The following PBX3 variants were observed in gnomAD, a reference collection of about 807,000 sequenced individuals.
PBX3 encodes PBX homeobox 3, also known as pre-B-cell leukemia transcription factor 3.
PBX3 carries 14 observed loss-of-function variants against 48.5 expected under a neutral mutation model. That is an observed-to-expected ratio of 0.29 (90% CI 0.19 to 0.45). The LOEUF is 0.45. Among genes scored for constraint, PBX3 ranks in the 20% least tolerant of loss-of-function variants. The pLI is 1.00. For synonymous variants in PBX3, 210 were observed against 200.3 expected (o/e 1.05, Z -0.41); for missense variants, 386 against 546.7 (o/e 0.71, Z 2.93).
intron 2 of PBX3, among the ~76,000 whole-genome samples, chr9:125,830,814 A>G (rs973605452): frequency 6.6e-6 from 1 of 151,662 alleles, no homozygotes; most frequent in South Asian, 2.1e-4. Context: ...CTGCGATTCA[A>G]ACTCTAGCTG....
chr9:125,892,123 A>G (rs373121685), intron 2 of PBX3, among the ~76,000 whole-genome samples: 2 of 151,896 alleles, frequency 1.3e-5, no homozygotes, highest in Admixed American at 1.3e-4. Flanking sequence ...AGGTTTCACT[A>G]TGTTGGTCAG....
At chr9:125,819,350 A>G (rs1043938965) in intron 2 of PBX3, among the ~76,000 whole-genome samples, 7 of 151,806 alleles carry the variant, frequency 4.6e-5, no homozygotes, top group Non-Finnish European at 1.0e-4. Context: ...AACATGGAGA[A>G]ACCCTGACTC....
chr9:125,930,107 C>T (rs934965381), intron 4 of PBX3, among the ~76,000 whole-genome samples: 2 of 152,154 alleles, frequency 1.3e-5, no homozygotes, highest in African/African-American at 4.8e-5. Flanking sequence ...AATATGTAGC[C>T]TTTCCATTCT....
intron 5 of PBX3, among the ~76,000 whole-genome samples, chr9:125,946,224 C>A (rs1184507508): frequency 6.6e-6 from 1 of 152,092 alleles, no homozygotes; most frequent in Non-Finnish European, 1.5e-5. Flanking sequence ...TTCATAGGTG[C>A]TTGGAGAAAT....
At chr9:125,749,120 C>G (rs1836294117) in intron 2 of PBX3, 1 of 157,348 alleles carries the variant, frequency 6.4e-6, no homozygotes, top group Non-Finnish European at 1.4e-5. Flanking sequence ...GGGAAGGCTA[C>G]TTTAGAGAAT....
At chr9:125,950,671 G>A (rs138192953) in intron 5 of PBX3, among the ~76,000 whole-genome samples, 12 of 152,038 alleles carry the variant, frequency 7.9e-5, no homozygotes, top group African/African-American at 2.2e-4. Context: ...TAGTAGAGAC[G>A]GGGTTTCACC....
intron 2 of PBX3, among the ~76,000 whole-genome samples, chr9:125,840,420 G>GT (rs1839257942): frequency 6.6e-6 from 1 of 151,540 alleles, no homozygotes; most frequent in Non-Finnish European, 1.5e-5. Context: ...AAAAGGTGTA[G>GT]TAACATATTT....
intron 2 of PBX3, among the ~76,000 whole-genome samples, chr9:125,818,948 G>T (rs1489275892): frequency 6.6e-6 from 1 of 151,954 alleles, no homozygotes; most frequent in Non-Finnish European, 1.5e-5. Flanking sequence ...GAATTCACCT[G>T]CCTCAACCTC....
At chr9:125,813,202 C>T (rs1371397074) in intron 2 of PBX3, among the ~76,000 whole-genome samples, 1 of 144,978 alleles carries the variant, frequency 6.9e-6, no homozygotes, top group East Asian at 2.2e-4. Context: ...TTTTTCTTTA[C>T]ACCACAGAGC....
intron 2 of PBX3, among the ~76,000 whole-genome samples, chr9:125,796,439 T>C (rs1478913085): frequency 6.6e-6 from 1 of 152,148 alleles, no homozygotes; most frequent in East Asian, 1.9e-4. Flanking sequence ...GGGACAGATA[T>C]GACAAGCCTT....
At chr9:125,924,162 G>A (rs1267546141) in intron 3 of PBX3, among the ~76,000 whole-genome samples, 1 of 152,156 alleles carries the variant, frequency 6.6e-6, no homozygotes, top group African/African-American at 2.4e-5. Context: ...GAGCCACCAT[G>A]GCCAGCCCTA....
At chr9:125,802,390 CAG>C (rs1564662960) in intron 2 of PBX3, among the ~76,000 whole-genome samples, 1 of 78,790 alleles carries the variant, frequency 1.3e-5, no homozygotes. Flanking sequence ...TTTTTAAAGA[CAG>C]GGTCTCATTC....
At chr9:125,764,944 G>A (rs1012975718) in intron 2 of PBX3, among the ~76,000 whole-genome samples, 3 of 152,080 alleles carry the variant, frequency 2.0e-5, no homozygotes, top group Non-Finnish European at 4.4e-5. Flanking sequence ...GGTTCTTGAC[G>A]GCTACTGTGA....
chr9:125,906,883 C>T (rs1236218981), intron 2 of PBX3, among the ~76,000 whole-genome samples: 12 of 151,940 alleles, frequency 7.9e-5, no homozygotes, highest in African/African-American at 2.2e-4. Context: ...CCAATTTTAA[C>T]CAGAACACTG....
rs771965310 is a variant in PBX3, at chr9:125,963,044, G to A, written c.1155G>A (p.Thr385=). ...CCCTCCGTCATGTTATCAATCAGAC[G>A]GGAGGCTACAGTGATGGCCTTGGAG... ...VDTLRHVINQ[T]GGYSDGLGGN... Residue 385 remains threonine, a synonymous_variant, in exon 8 of 9, where the codon ACG becomes ACA. Coordinates refer to ENST00000373489, the MANE Select transcript of PBX3 (RefSeq NM_006195.6). The A allele has an allele frequency of 4.5e-5, 73 of 1,609,198 alleles. No homozygotes were observed. Among genetic ancestry groups the A allele is most frequent in the Non-Finnish European group, 5.8e-5 (68 of 1,176,334 alleles).
At chr9:125,827,591 T>A (rs1179809475) in intron 2 of PBX3, among the ~76,000 whole-genome samples, 2 of 152,180 alleles carry the variant, frequency 1.3e-5, no homozygotes, top group Non-Finnish European at 2.9e-5. Flanking sequence ...ACACTGTACA[T>A]CTTTTTGTAG....
chr9:125,765,293 C>T (rs574990977), intron 2 of PBX3, among the ~76,000 whole-genome samples: 13 of 151,814 alleles, frequency 8.6e-5, no homozygotes, highest in South Asian at 6.3e-4. Context: ...AGACTACAGG[C>T]GCGCGCCACT....
intron 2 of PBX3, among the ~76,000 whole-genome samples, chr9:125,896,239 G>A (rs1480105814): frequency 6.6e-6 from 1 of 151,962 alleles, no homozygotes; most frequent in African/African-American, 2.4e-5. Context: ...ATTCCTCTGT[G>A]TGTGCCTTAT....
At chr9:125,846,724 A>G (rs1279222774) in intron 2 of PBX3, among the ~76,000 whole-genome samples, 1 of 152,066 alleles carries the variant, frequency 6.6e-6, no homozygotes, top group Non-Finnish European at 1.5e-5. Context: ...TGTACCCCTA[A>G]GAAATCTTTA....
Sources: gnomAD v4.1 joint callset for allele counts (sites outside exome capture counted in the v4.1 genomes callset) on GRCh38, gnomAD v4.1.1 for gene constraint, MANE v1.5 for transcripts, NCBI Gene and HGNC (gene_info 2026-07-23, HGNC 2026-07-21) for gene names.